Variants in ANKRD62 observed in about 807,000 individuals in gnomAD.
The protein encoded by ANKRD62 is ankyrin repeat domain-containing protein 62.
ANKRD62 carries 61 observed loss-of-function variants against 98.8 expected under a neutral mutation model. The ratio of observed to expected loss-of-function variants is 0.62; its 90% CI spans 0.50 to 0.76. ANKRD62 has a LOEUF of 0.76. Ranked by LOEUF, ANKRD62 falls within the 30% of genes least tolerant of loss-of-function variation. The probability of loss-of-function intolerance (pLI) is 0.00; values close to 1 mark genes in which losing one functional copy is unlikely to be tolerated. For synonymous variants in ANKRD62, 341 were observed against 367.9 expected, an observed-to-expected ratio of 0.93 and a Z score of 0.84; for missense variants, 933 against 1,082.9, an observed-to-expected ratio of 0.86 and a Z score of 1.94.
At chr18:12,156,743 C>T in the ANKRD62 span, among the ~76,000 whole-genome samples, 4 of 151,948 alleles carry the variant, frequency 2.6e-5, no homozygotes, top group African/African-American at 9.7e-5. Context: ...ATTTAGTTCT[C>T]TCTTGAATAT....
intron 3 of ANKRD62, 68 bp from the exon 4 acceptor site, chr18:12,096,128 T>C: frequency 9.3e-7 from 1 of 1,070,592 alleles, no homozygotes; most frequent in African/African-American, 1.6e-5. Context: ...GATCTTAACA[T>C]AAGGTTTTCA....
chr18:12,102,074 C>T, intron 6 of ANKRD62: 1 of 1,372,256 alleles, frequency 7.3e-7, no homozygotes, highest in Admixed American at 1.7e-5. Flanking sequence ...AAGGTTAAAG[C>T]TGAAAGTGCC....
intron 12 of ANKRD62, among the ~76,000 whole-genome samples, chr18:12,124,814 C>T (rs1909854498): frequency 6.6e-6 from 1 of 152,090 alleles, no homozygotes; most frequent in South Asian, 2.1e-4. Context: ...AGTCAGAGAA[C>T]CTAGGAAAAA....
the ANKRD62 span, among the ~76,000 whole-genome samples, chr18:12,172,801 G>A: frequency 2.6e-5 from 4 of 152,166 alleles, no homozygotes; most frequent in Non-Finnish European, 5.9e-5. Flanking sequence ...TCAAGCCTCA[G>A]CAATGGCAGA....
chr18:12,096,729 A>G (rs894103134), intron 4 of ANKRD62, among the ~76,000 whole-genome samples: 3 of 152,208 alleles, frequency 2.0e-5, no homozygotes, highest in African/African-American at 7.2e-5. Flanking sequence ...AAGATAAATT[A>G]GAGTTGAAAA....
chr18:12,167,198 C>T, the ANKRD62 span, among the ~76,000 whole-genome samples: 7 of 151,956 alleles, frequency 4.6e-5, no homozygotes, highest in Non-Finnish European at 1.0e-4. Flanking sequence ...AGGTTTGTTA[C>T]GTATGTATAC....
At chr18:12,103,275 A>T in intron 7 of ANKRD62, 47 bp downstream of exon 7, 1 of 1,175,182 alleles carries the variant, frequency 8.5e-7, no homozygotes, top group Non-Finnish European at 1.1e-6. Context: ...TTGGTAATGT[A>T]GCATAATCCA....
At chr18:12,095,099 C>A (rs902638277) in intron 1 of ANKRD62, 72 bp from the exon 2 acceptor site, 1 of 1,062,344 alleles carries the variant, frequency 9.4e-7, no homozygotes, top group Non-Finnish European at 1.4e-6. Flanking sequence ...TGGATGTTTA[C>A]AATTGCATGC....
intron 8 of ANKRD62, among the ~76,000 whole-genome samples, chr18:12,109,597 A>C (rs1365920396): frequency 6.6e-6 from 1 of 152,228 alleles, no homozygotes; most frequent in Non-Finnish European, 1.5e-5. Flanking sequence ...TGTTTTTCTC[A>C]ATGCAAAAGT....
chr18:12,130,725 A>T (rs1909990454), downstream of ANKRD62, among the ~76,000 whole-genome samples: 1 of 150,270 alleles, frequency 6.7e-6, no homozygotes, highest in South Asian at 2.1e-4. Flanking sequence ...CAGAGTCTTG[A>T]TCTGTCGCCC....
intron 13 of ANKRD62, among the ~76,000 whole-genome samples, chr18:12,126,718 A>T (rs1260738114): frequency 6.6e-6 from 1 of 152,258 alleles, no homozygotes; most frequent in Non-Finnish European, 1.5e-5. Context: ...ACGATAAAGC[A>T]GATATAAAGA....
chr18:12,136,330 G>A, the ANKRD62 span, among the ~76,000 whole-genome samples: 1 of 151,978 alleles, frequency 6.6e-6, no homozygotes, highest in Non-Finnish European at 1.5e-5. Context: ...TTTTTGTCCG[G>A]TTTGTCAAAG....
At chr18:12,131,888 T>G (rs1910011323), downstream of ANKRD62, among the ~76,000 whole-genome samples, 1 of 152,180 alleles carries the variant, frequency 6.6e-6, no homozygotes, top group Non-Finnish European at 1.5e-5. Context: ...ATTGTATTTT[T>G]CCTCTAAATT....
Position 12,103,188 on chromosome 18 carries a change from A to C in ANKRD62, c.851A>C (p.Glu284Ala). ...EQDLEMTSEG[E>A]QERLEGCESS... ...GACTTAGAAATGACATCAGAGGGAG[A>C]GCAAGAAAGGCTTGAAGGATGTGAA... Residue 284 changes from glutamate (E) to alanine (A), a missense_variant, in exon 7 of 14, where the codon GAG (glutamate) becomes GCG (alanine). Transcript: ENST00000587848. 7.3e-7 allele frequency: 1 copy of C among 1,377,866 alleles called. No individual in the cohort carries two copies. Among genetic ancestry groups the C allele is most frequent in the Non-Finnish European group, 9.5e-7 (1 of 1,058,036 alleles). 85.4% of individuals were successfully genotyped at this position (1,377,866 alleles called of 1,614,324 possible). A position where few individuals can be genotyped will look rare whatever the true frequency, so the allele number is the denominator to read the frequency against.
chr18:12,156,698 A>G, the ANKRD62 span, among the ~76,000 whole-genome samples: 2 of 152,146 alleles, frequency 1.3e-5, no homozygotes, highest in African/African-American at 4.8e-5. Context: ...ACACCATTTT[A>G]GGGCATTTTT....
chr18:12,180,971 G>A, the ANKRD62 span, among the ~76,000 whole-genome samples: 1 of 142,898 alleles, frequency 7.0e-6, no homozygotes, highest in South Asian at 2.2e-4. Flanking sequence ...CCCAGTGTGT[G>A]ATGTTCCCCT....
Position 12,125,678 on chromosome 18 carries a change from C to G in ANKRD62, c.1857C>G (p.Thr619=), listed in dbSNP as rs376260607. The G allele has an allele frequency of 2.1e-5, 32 of 1,536,910 alleles. No individual in the cohort carries two copies. In the East Asian group the frequency reaches 4.4e-4, roughly 21 times the overall value. Residue 619 remains threonine (T), a synonymous_variant, in exon 13 of 14, where the codon ACC becomes ACG. Transcript: ENST00000587848. ...AGGAAGCATTAACAAAAACAATAAC[C>G]CGGTATAGTAAAGAGCTTAATGTTC... ...RNEEALTKTI[T]RYSKELNVLM...
At chr18:12,102,156 C>A (rs139573795) in intron 6 of ANKRD62, 1 of 1,156,154 alleles carries the variant, frequency 8.6e-7, no homozygotes, top group South Asian at 1.2e-5. Context: ...GTCCAAGGCC[C>A]GAGTAACTAT....
intron 3 of ANKRD62, 116 bp from the exon 4 acceptor site, chr18:12,096,080 C>CT (rs1261027542): frequency 1.4e-6 from 1 of 735,430 alleles, no homozygotes; most frequent in Non-Finnish European, 2.2e-6. Context: ...GAAGGGATTG[C>CT]TTTTTATTTA....
Sources: allele counts gnomAD v4.1 joint callset (sites outside exome capture counted in the v4.1 genomes callset), GRCh38; gene constraint gnomAD v4.1.1; transcripts MANE v1.5; gene names NCBI Gene and HGNC (gene_info 2026-07-23, HGNC 2026-07-21).